TBCK: variants seen among roughly 807,000 people sequenced by gnomAD.
The protein encoded by TBCK is TBC1 domain containing kinase.
Under a neutral mutation model 113.4 loss-of-function variants are expected in TBCK, and 99 were observed. The ratio of observed to expected loss-of-function variants is 0.87; its 90% CI spans 0.74 to 1.03. The LOEUF (loss-of-function observed/expected upper bound fraction) is 1.03. Among genes scored for constraint, TBCK ranks in the 50% least tolerant of loss-of-function variants. The pLI is 0.00. For missense variants in TBCK, 1,045 were observed against 1,061.3 expected, an observed-to-expected ratio of 0.98 and a Z score of 0.21; for synonymous variants, 369 against 370.8, an observed-to-expected ratio of 1.00 and a Z score of 0.05.
intron 25 of TBCK, among the ~76,000 whole-genome samples, chr4:106,053,201 G>A (rs1275886772): frequency 6.6e-6 from 1 of 151,540 alleles, no homozygotes; most frequent in Non-Finnish European, 1.5e-5. Context: ...CATCTTTTAA[G>A]GCTCTTTTAA....
At position 106,114,129 on chromosome 4, in the gene TBCK, T is replaced by C. The variant is rs529533992; in HGVS notation, c.2411+2074A>G. On this transcript the variant is annotated intron_variant, in intron 24 of 25. Transcript: ENST00000394708. ...CCGCCACACCTGACAAACCTGCTGC[T>C]GCACACATCTGTACTCTTCAATCAA... Among the ~76,000 whole-genome samples the C allele has an allele frequency of 2.0e-5, 3 of 152,352 alleles. No homozygotes were observed. The South Asian group carries it at 6.2e-4, about 32-fold the overall frequency.
chr4:106,224,353 C>A, intron 19 of TBCK, among the ~76,000 whole-genome samples: 1 of 150,744 alleles, frequency 6.6e-6, no homozygotes, highest in Admixed American at 6.6e-5. Flanking sequence ...TGCTATTGAA[C>A]ATAGAAACTT....
At chr4:106,268,580 C>T (rs1763193639) in intron 3 of TBCK, among the ~76,000 whole-genome samples, 1 of 152,024 alleles carries the variant, frequency 6.6e-6, no homozygotes, top group South Asian at 2.1e-4. Flanking sequence ...ACAAGATGCT[C>T]AAGTTCACCC....
chr4:106,246,063 T>C lies in TBCK; in HGVS notation c.931+1076A>G, dbSNP rs60865730. ...ACATGGGGAGGCAACCAACACAAAT[T>C]GTTCCTTCCCTCATATCTCAAGGCA... On this transcript the variant is annotated intron_variant, in intron 10 of 25. Coordinates refer to ENST00000394708, the MANE Select transcript of TBCK (RefSeq NM_001163435.3). Among the ~76,000 whole-genome samples the C allele has an allele frequency of 5.7e-3, 864 of 152,250 alleles. 9 individuals are homozygous for C. The highest frequency in any genetic ancestry group is 0.017 in the African/African-American group (696 of 41,560).
At chr4:106,101,643 T>C (rs571980972) in intron 24 of TBCK, among the ~76,000 whole-genome samples, 1 of 152,348 alleles carries the variant, frequency 6.6e-6, no homozygotes, top group East Asian at 1.9e-4. Flanking sequence ...TGGTATAGTT[T>C]TAGATACTAA....
At chr4:106,069,298 A>G (rs1178285360) in intron 25 of TBCK, among the ~76,000 whole-genome samples, 3 of 152,164 alleles carry the variant, frequency 2.0e-5, no homozygotes, top group Admixed American at 2.0e-4. Flanking sequence ...TAAGTCTTTC[A>G]TCCATCTGGA....
chr4:106,122,986 C>G (rs1171486198), intron 23 of TBCK, among the ~76,000 whole-genome samples: 1 of 152,226 alleles, frequency 6.6e-6, no homozygotes, highest in Non-Finnish European at 1.5e-5. Flanking sequence ...TGCCTTCTCT[C>G]ACCACTCCTA....
chr4:106,289,165 T>C (rs550780269), intron 3 of TBCK, among the ~76,000 whole-genome samples: 8 of 152,228 alleles, frequency 5.3e-5, no homozygotes, highest in Non-Finnish European at 4.4e-5. Context: ...GGGAATATTC[T>C]AGTGCAAATC....
Position 106,252,020 on chromosome 4 carries a change from A to G in TBCK, c.456-13T>C, listed in dbSNP as rs1761491823. The G allele has an allele frequency of 1.9e-6, 3 of 1,574,492 alleles. No homozygotes were observed. The highest frequency in any genetic ancestry group is 2.6e-6 in the Non-Finnish European group (3 of 1,160,048). Reference sequence around the variant, plus strand: ...GTACGAGGGATACCTGTAATGATACATTAAAATAATGAAAAATTACAACAG... The same window carrying G: ...GTACGAGGGATACCTGTAATGATACGTTAAAATAATGAAAAATTACAACAG... On this transcript the variant is annotated splice_polypyrimidine_tract_variant and intron_variant, in intron 5 of 25. Transcript: ENST00000394708.
At chr4:106,243,519 T>A (rs1261884215) in intron 11 of TBCK, among the ~76,000 whole-genome samples, 1 of 152,022 alleles carries the variant, frequency 6.6e-6, no homozygotes, top group Non-Finnish European at 1.5e-5. Context: ...ATTCAATGTA[T>A]GAATGGTATA....
intron 20 of TBCK, among the ~76,000 whole-genome samples, chr4:106,201,428 A>C (rs1754876150): frequency 6.6e-6 from 1 of 152,118 alleles, no homozygotes; most frequent in Non-Finnish European, 1.5e-5. Context: ...TAGAGATATT[A>C]TTAGCTATTT....
rs545352476 is a variant in TBCK at position 106,185,781 on chromosome 4, G to C, written c.2059+7828C>G. 1.2e-4 allele frequency among the ~76,000 whole-genome samples: 19 copies of C among 152,044 alleles called. 1 individual carries two copies. In the South Asian group the frequency reaches 3.3e-3, roughly 27 times the overall value. On this transcript the variant is annotated intron_variant, in intron 22 of 25. Coordinates refer to ENST00000394708, the MANE Select transcript of TBCK (RefSeq NM_001163435.3). ...AGTACATGTATGGGTGTGTTATATG[G>C]GTAGGTTGCGTGCTGCAGAGGTTTG...
At chr4:106,213,508 C>A (rs1229399008) in intron 19 of TBCK, 1 of 160,022 alleles carries the variant, frequency 6.2e-6, no homozygotes, top group East Asian at 1.8e-4. Flanking sequence ...CAAGTGGGTG[C>A]GCGCACCGTG....
intron 19 of TBCK, among the ~76,000 whole-genome samples, chr4:106,229,742 T>C (rs771271179): frequency 2.0e-5 from 3 of 149,474 alleles, no homozygotes; most frequent in Non-Finnish European, 4.5e-5. Flanking sequence ...TGTGGGTCCA[T>C]ATAAATTTTA....
chr4:106,292,649 C>T (rs1047637513), intron 3 of TBCK, among the ~76,000 whole-genome samples: 3 of 151,910 alleles, frequency 2.0e-5, no homozygotes, highest in Non-Finnish European at 2.9e-5. Context: ...AGAGCATACA[C>T]GTCTTCTCTT....
chr4:106,247,417 T>TTG (rs1289727908), intron 9 of TBCK, 130 bp from the exon 10 acceptor site: 1 of 807,304 alleles, frequency 1.2e-6, no homozygotes, highest in African/African-American at 1.8e-5. Flanking sequence ...ACAGCTCTCT[T>TTG]TTGCAGAGTC....
chr4:106,257,171 A>G (rs1434008855), intron 5 of TBCK, among the ~76,000 whole-genome samples: 1 of 152,186 alleles, frequency 6.6e-6, no homozygotes, highest in Non-Finnish European at 1.5e-5. Context: ...CCTAGAAATA[A>G]AAGGAATAAG....
At chr4:106,209,655 T>C (rs1020890031) in intron 20 of TBCK, among the ~76,000 whole-genome samples, 2 of 152,170 alleles carry the variant, frequency 1.3e-5, no homozygotes, top group Admixed American at 6.5e-5. Context: ...TTCTAATTGA[T>C]TGTATGGTCA....
chr4:106,068,082 C>T (rs1214213539), intron 25 of TBCK, among the ~76,000 whole-genome samples: 1 of 151,996 alleles, frequency 6.6e-6, no homozygotes, highest in Non-Finnish European at 1.5e-5. Context: ...GTATTGTCAT[C>T]AAAACAATTA....
Sources: allele counts gnomAD v4.1 joint callset (sites outside exome capture counted in the v4.1 genomes callset), GRCh38; gene constraint gnomAD v4.1.1; transcripts MANE v1.5; gene names NCBI Gene and HGNC (gene_info 2026-07-23, HGNC 2026-07-21).